MCC: variants seen among roughly 807,000 people sequenced by gnomAD.
MCC encodes the protein MCC regulator of Wnt signaling pathway.
A neutral mutation model predicts 116.2 loss-of-function variants in MCC; 90 were observed. That is an observed-to-expected ratio of 0.77 (90% CI 0.65 to 0.92). The LOEUF is 0.92. Ranked by LOEUF, MCC falls within the 40% of genes least tolerant of loss-of-function variation. The probability of loss-of-function intolerance (pLI) is 0.00; values close to 1 mark genes in which losing one functional copy is unlikely to be tolerated. For missense variants in MCC, 1,516 were observed against 1,312.2 expected, an observed-to-expected ratio of 1.16 and a Z score of -2.40; for synonymous variants, 578 against 510.5, an observed-to-expected ratio of 1.13 and a Z score of -1.78.
At chr5:113,337,849 G>A (rs1407880182) in intron 3 of MCC, among the ~76,000 whole-genome samples, 1 of 152,170 alleles carries the variant, frequency 6.6e-6, no homozygotes, top group Non-Finnish European at 1.5e-5. Flanking sequence ...GAGACTATTT[G>A]CTTTCTTTGG....
intron 1 of MCC, among the ~76,000 whole-genome samples, chr5:113,405,140 TA>T (rs1350191923): frequency 3.3e-5 from 5 of 152,200 alleles, no homozygotes; most frequent in Non-Finnish European, 7.4e-5. Flanking sequence ...TAGAGAAAAA[TA>T]AGCCAAGGAA....
chr5:113,173,544 C>T (rs1303037995), intron 3 of MCC, among the ~76,000 whole-genome samples: 1 of 152,130 alleles, frequency 6.6e-6, no homozygotes, highest in African/African-American at 2.4e-5. Flanking sequence ...TCCCATGAGG[C>T]TCTGGATCAC....
chr5:113,197,494 A>G (rs1384562380), intron 3 of MCC, among the ~76,000 whole-genome samples: 1 of 152,184 alleles, frequency 6.6e-6, no homozygotes, highest in African/African-American at 2.4e-5. Context: ...ATTGTATGAT[A>G]TGTGAATTAT....
chr5:113,462,184 T>C (rs1401560441), intron 1 of MCC, among the ~76,000 whole-genome samples: 1 of 152,254 alleles, frequency 6.6e-6, no homozygotes, highest in African/African-American at 2.4e-5. Context: ...GCTAGGCCTC[T>C]GGCCTTCTGG....
chr5:113,466,052 T>C (rs1771895253), intron 1 of MCC, among the ~76,000 whole-genome samples: 1 of 152,026 alleles, frequency 6.6e-6, no homozygotes, highest in African/African-American at 2.4e-5. Flanking sequence ...TTCCCCTGCC[T>C]CAGCCTCCTG....
chr5:113,368,026 G>A (rs1216557354), intron 2 of MCC, among the ~76,000 whole-genome samples: 4 of 152,170 alleles, frequency 2.6e-5, no homozygotes, highest in Non-Finnish European at 5.9e-5. Flanking sequence ...GTAGGGGTAA[G>A]CTGAAGCCAA....
chr5:113,257,333 GGA>G (rs1286980787), intron 3 of MCC, among the ~76,000 whole-genome samples: 3 of 151,916 alleles, frequency 2.0e-5, no homozygotes, highest in African/African-American at 7.3e-5. Flanking sequence ...AAGGAAATCA[GGA>G]GAGAGAGGTC....
rs745648043 is a variant in MCC at position 113,488,236 on chromosome 5, C to G, written c.170+9G>C. On this transcript the variant is annotated intron_variant, in intron 1 of 18. Coordinates refer to ENST00000408903, the MANE Select transcript of MCC (RefSeq NM_001085377.2). The stretch of plus-strand genomic sequence containing the variant: ...GCTCCTGTCGGTTTCCTCGTACCTC[C>G]CCGCGTACCTGCTGATGTATCCGTC... The G allele has an allele frequency of 1.1e-5, 18 of 1,586,490 alleles. No individual in the cohort carries two copies. The highest frequency in any genetic ancestry group is 1.5e-5 in the Non-Finnish European group (18 of 1,167,690).
intron 3 of MCC, among the ~76,000 whole-genome samples, chr5:113,319,736 T>C (rs1365762165): frequency 1.3e-5 from 2 of 152,222 alleles, no homozygotes; most frequent in Non-Finnish European, 2.9e-5. Flanking sequence ...TCTAACAGCA[T>C]TCAAACATGT....
chr5:113,459,746 C>A (rs1377208036), intron 1 of MCC, among the ~76,000 whole-genome samples: 2 of 151,508 alleles, frequency 1.3e-5, no homozygotes, highest in Non-Finnish European at 2.9e-5. Context: ...ACTTAAAAGT[C>A]AAAGGGCAGA....
intron 3 of MCC, among the ~76,000 whole-genome samples, chr5:113,224,240 G>A (rs996611588): frequency 1.3e-5 from 2 of 151,988 alleles, no homozygotes; most frequent in African/African-American, 4.8e-5. Flanking sequence ...GATCAGGCAC[G>A]CGCGACCACA....
chr5:113,373,583 C>A (rs1363398243), intron 2 of MCC, among the ~76,000 whole-genome samples: 1 of 152,170 alleles, frequency 6.6e-6, no homozygotes, highest in Admixed American at 6.5e-5. Flanking sequence ...ACAGTTTCCT[C>A]TTTCATTCCC....
rs74973639 is a variant in MCC, at chr5:113,440,290, C to T, written c.170+47955G>A. 4.6e-3 allele frequency among the ~76,000 whole-genome samples: 703 copies of T among 151,786 alleles called. 7 individuals carry two copies. The highest frequency in any genetic ancestry group is 0.016 in the African/African-American group (669 of 41,132). On this transcript the variant is annotated intron_variant, in intron 1 of 18. Coordinates refer to ENST00000408903, the MANE Select transcript of MCC (RefSeq NM_001085377.2). Reference sequence around the variant, plus strand: ...CTCATGGCCCTTAGAAAAAAGTAGACGTTCCTTCAGAATCTGAGGCTCTTT... The same window carrying T: ...CTCATGGCCCTTAGAAAAAAGTAGATGTTCCTTCAGAATCTGAGGCTCTTT...
chr5:113,275,525 T>C (rs997367650), intron 3 of MCC, among the ~76,000 whole-genome samples: 3 of 152,308 alleles, frequency 2.0e-5, no homozygotes, highest in Admixed American at 1.3e-4. Flanking sequence ...CCCCAGGGAT[T>C]AAGCTTCCTA....
chr5:113,294,935 T>C (rs1415854374), intron 3 of MCC: 1 of 984,094 alleles, frequency 1.0e-6, no homozygotes, highest in Admixed American at 6.2e-5. Flanking sequence ...TCGTCTGGAG[T>C]TGTAAGTGGT....
chr5:113,285,487 C>T (rs1359631560), intron 3 of MCC, among the ~76,000 whole-genome samples: 1 of 152,048 alleles, frequency 6.6e-6, no homozygotes, highest in Non-Finnish European at 1.5e-5. Context: ...TTTTCTTGGA[C>T]CTCATCTCCT....
In MCC at chr5:113,333,966, T is replaced by A. The variant is rs148183873; in HGVS notation, c.627+6553A>T. Among the ~76,000 whole-genome samples, 648 of 143,852 alleles carry A rather than the reference T, an allele frequency of 4.5e-3. 3 individuals are homozygous for A. The highest frequency in any genetic ancestry group is 8.1e-3 in the Non-Finnish European group (542 of 66,752). The allele number at this position is 143,852 out of a possible 152,430, so 94.4% of individuals were successfully genotyped here. On this transcript the variant is annotated intron_variant, in intron 3 of 18. Transcript: ENST00000408903. ...CAAGGAGACAAATGATTACTTTTAC[T>A]TTTCATCAACTTTCTGTTATGCACA...
At chr5:113,287,810 TCA>T (rs1766322537) in intron 3 of MCC, among the ~76,000 whole-genome samples, 1 of 152,206 alleles carries the variant, frequency 6.6e-6, no homozygotes, top group Non-Finnish European at 1.5e-5. Flanking sequence ...GTGTGCCCAC[TCA>T]CACTCAGGGT....
chr5:113,220,843 GA>G (rs1763526109), intron 3 of MCC, among the ~76,000 whole-genome samples: 2 of 152,292 alleles, frequency 1.3e-5, no homozygotes, highest in Non-Finnish European at 2.9e-5. Flanking sequence ...GCACTGGCTA[GA>G]ACATCTAGTG....
Sources: gnomAD v4.1 joint callset for allele counts (sites outside exome capture counted in the v4.1 genomes callset) on GRCh38, gnomAD v4.1.1 for gene constraint, MANE v1.5 for transcripts, NCBI Gene and HGNC (gene_info 2026-07-23, HGNC 2026-07-21) for gene names.